Variants in NRF1 observed in about 807,000 individuals in gnomAD.
NRF1 encodes alpha palindromic-binding protein.
Under a neutral mutation model 58.5 loss-of-function variants are expected in NRF1, and 5 were observed. The observed-to-expected ratio is 0.09, with a 90% CI of 0.04 to 0.18. NRF1 has a LOEUF of 0.18. Ranked by LOEUF, NRF1 falls within the 10% of genes least tolerant of loss-of-function variation. The pLI is 1.00. For synonymous variants in NRF1, 224 were observed against 246.7 expected (o/e 0.91, Z 0.86); for missense variants, 288 against 657.7 (o/e 0.44, Z 6.15).
chr7:129,690,492 A>G lies in NRF1; in HGVS notation c.552A>G (p.Glu184=). 6.2e-7 allele frequency: 1 copy of G among 1,614,100 alleles called. No homozygotes were observed. The highest frequency in any genetic ancestry group is 8.5e-7 in the Non-Finnish European group (1 of 1,180,016). The change falls in exon 5 of 11, where the codon GAA becomes GAG. Residue 184 remains glutamate, a synonymous_variant. Coordinates refer to ENST00000393232, the MANE Select transcript of NRF1 (RefSeq NM_005011.5). ...HAPAPQEVNS[E]LPPLTIDGIP... The stretch of plus-strand genomic sequence containing the variant: ...CTGCGCCACAGGAGGTTAACTCAGA[A>G]CTGCCGCCTCTCACCATCGACGGAA...
At chr7:129,726,691 G>T (rs1257519221) in intron 9 of NRF1, among the ~76,000 whole-genome samples, 1 of 152,066 alleles carries the variant, frequency 6.6e-6, no homozygotes, top group Non-Finnish European at 1.5e-5. Context: ...CCATTACTCT[G>T]TATTTGAAAA....
At chr7:129,612,931 C>G (rs934802637) in intron 1 of NRF1, among the ~76,000 whole-genome samples, 6 of 152,186 alleles carry the variant, frequency 3.9e-5, no homozygotes, top group African/African-American at 9.7e-5. Flanking sequence ...CTGCTCCAAC[C>G]AGTTGGAGGA....
chr7:129,727,228 C>T lies in NRF1; in HGVS notation c.1224-13C>T. 2 of 1,586,074 alleles carry T rather than the reference C, an allele frequency of 1.3e-6. No homozygotes were observed. Among genetic ancestry groups the T allele is most frequent in the Non-Finnish European group, 8.5e-7 (1 of 1,172,200 alleles). On this transcript the variant is annotated splice_polypyrimidine_tract_variant and intron_variant, in intron 9 of 10. Transcript: ENST00000393232. ...TCTATTCATCATCCTCTCTCCTGTT[C>T]CTGTGCCCGCAGCGAAGCTGCCGCC...
At chr7:129,676,778 CTTTAA>C (rs977835680) in intron 3 of NRF1, among the ~76,000 whole-genome samples, 1 of 152,106 alleles carries the variant, frequency 6.6e-6, no homozygotes, top group African/African-American at 2.4e-5. Flanking sequence ...TGCCACAAAC[CTTTAA>C]TTTGTTTTAA....
chr7:129,717,206 C>G lies in NRF1; in HGVS notation c.1066-13C>G, dbSNP rs1477679800. On this transcript the variant is annotated splice_polypyrimidine_tract_variant and intron_variant, in intron 8 of 10. Transcript: ENST00000393232. ...GGCTTTGTTTTTTTACTATCTTGTC[C>G]TTTCTGCCTCAGGTGGAACAAAATT... 2 of 1,581,222 alleles carry G rather than the reference C, an allele frequency of 1.3e-6. No homozygotes were observed. The highest frequency in any genetic ancestry group is 1.9e-5 in the Admixed American group (1 of 52,064).
intron 4 of NRF1, among the ~76,000 whole-genome samples, chr7:129,683,320 T>TGTGTGAGA (rs1334499896): frequency 9.5e-5 from 13 of 136,482 alleles, no homozygotes; most frequent in Admixed American, 3.9e-4. Flanking sequence ...TGTGTGTGTG[T>TGTGTGAGA]GAGAGAGAGA....
chr7:129,704,225 A>G (rs1802899462), intron 5 of NRF1, among the ~76,000 whole-genome samples: 2 of 151,994 alleles, frequency 1.3e-5, no homozygotes, highest in Admixed American at 1.3e-4. Flanking sequence ...CAAATGATCA[A>G]TTTGTTCCTT....
intron 5 of NRF1, among the ~76,000 whole-genome samples, chr7:129,692,441 T>C (rs570839568): frequency 1.3e-5 from 2 of 152,028 alleles, no homozygotes; most frequent in East Asian, 3.9e-4. Context: ...TAGTCTCAAA[T>C]ACTTGGAAGG....
In NRF1 at chr7:129,622,566, CTTTTCT is replaced by C. The variant is rs1381117673; in HGVS notation, c.-7+10747_-7+10752del. ...TGGTTTAGATATTTTTCTTTCTTTTCTTTTCTTTTTTTTTTTTTTTTGAGACAATGT... is the reference window on the plus strand; with the variant it reads ...TGGTTTAGATATTTTTCTTTCTTTTCTTTTTTTTTTTTTTTGAGACAATGT... On this transcript the variant is annotated intron_variant, in intron 1 of 10. Coordinates refer to ENST00000393232, the MANE Select transcript of NRF1 (RefSeq NM_005011.5). Among the ~76,000 whole-genome samples the C allele has an allele frequency of 4.2e-4, 59 of 140,898 alleles. 1 individual carries two copies. The highest frequency in any genetic ancestry group is 7.7e-3 in the Middle Eastern group (2 of 260). 92.4% of individuals were successfully genotyped at this position (140,898 alleles called of 152,430 possible).
At chr7:129,691,553 C>A (rs890665608) in intron 5 of NRF1, among the ~76,000 whole-genome samples, 1 of 151,660 alleles carries the variant, frequency 6.6e-6, no homozygotes, top group Non-Finnish European at 1.5e-5. Context: ...TGGGGTTTTG[C>A]TGTGTTAGCC....
intron 1 of NRF1, among the ~76,000 whole-genome samples, chr7:129,614,891 G>T (rs1354545754): frequency 6.6e-6 from 1 of 152,180 alleles, no homozygotes; most frequent in African/African-American, 2.4e-5. Flanking sequence ...CCTGCACACT[G>T]TAGGTTCAAC....
chr7:129,675,077 A>G (rs770633117), intron 3 of NRF1, among the ~76,000 whole-genome samples: 15 of 152,166 alleles, frequency 9.9e-5, no homozygotes, highest in Non-Finnish European at 2.1e-4. Context: ...TTTTATTGTC[A>G]TTTCAACAAT....
intron 1 of NRF1, among the ~76,000 whole-genome samples, chr7:129,637,601 TTTTG>T (rs531551654): frequency 6.6e-6 from 1 of 152,354 alleles, no homozygotes; most frequent in East Asian, 1.9e-4. Flanking sequence ...TTTGAAATTA[TTTTG>T]TTTGTCCACA....
intron 10 of NRF1, among the ~76,000 whole-genome samples, chr7:129,746,143 T>C (rs1803970440): frequency 6.6e-6 from 1 of 152,216 alleles, no homozygotes; most frequent in African/African-American, 2.4e-5. Flanking sequence ...TTTTAATCCA[T>C]AAATCCCCCA....
In NRF1 at chr7:129,631,081, CAA is replaced by C. The variant is rs568610702; in HGVS notation, c.-7+19259_-7+19260del. On this transcript the variant is annotated intron_variant, in intron 1 of 10. Transcript: ENST00000393232. ...AAGTTGATACTTAAAATACTTGAGCCAAAGTTTCTGCCTTTATGTGGGACATT... is the reference window on the plus strand; with the variant it reads ...AAGTTGATACTTAAAATACTTGAGCCAGTTTCTGCCTTTATGTGGGACATT... 5.9e-3 allele frequency among the ~76,000 whole-genome samples: 890 copies of C among 152,090 alleles called. 8 individuals are homozygous for C. The highest frequency in any genetic ancestry group is 0.021 in the African/African-American group (861 of 41,494).
intron 4 of NRF1, among the ~76,000 whole-genome samples, chr7:129,688,770 T>G (rs941535325): frequency 1.3e-5 from 2 of 152,106 alleles, no homozygotes; most frequent in African/African-American, 4.8e-5. Context: ...CCATCAGCTC[T>G]TATGAGAACT....
intron 4 of NRF1, among the ~76,000 whole-genome samples, chr7:129,687,115 C>G (rs1802459442): frequency 6.6e-6 from 1 of 152,030 alleles, no homozygotes. Flanking sequence ...GAGTCCAACC[C>G]TTTTGAATTA....
chr7:129,621,713 A>G (rs1391720963), intron 1 of NRF1, among the ~76,000 whole-genome samples: 1 of 152,014 alleles, frequency 6.6e-6, no homozygotes, highest in African/African-American at 2.4e-5. Flanking sequence ...TGGTAATGCG[A>G]CTGAGTGTTA....
intron 1 of NRF1, among the ~76,000 whole-genome samples, chr7:129,655,802 G>A (rs999093810): frequency 4.6e-5 from 7 of 152,152 alleles, no homozygotes; most frequent in Admixed American, 2.0e-4. Context: ...GATTACAGGC[G>A]TGAGCCACCT....
Sources: allele counts gnomAD v4.1 joint callset (sites outside exome capture counted in the v4.1 genomes callset), GRCh38; gene constraint gnomAD v4.1.1; transcripts MANE v1.5; gene names NCBI Gene and HGNC (gene_info 2026-07-23, HGNC 2026-07-21).